Variants in SLC25A42 observed in about 807,000 individuals in gnomAD.
SLC25A42 encodes solute carrier family 25 member 42, also known as mitochondrial coenzyme A transporter SLC25A42.
In SLC25A42, 19 loss-of-function variants were observed where a neutral mutation model predicts 34.7. The ratio of observed to expected loss-of-function variants is 0.55; its 90% CI spans 0.38 to 0.80. SLC25A42 has a LOEUF of 0.80. Ranked by LOEUF, SLC25A42 falls within the 30% of genes least tolerant of loss-of-function variation. SLC25A42 has a pLI of 0.00. For missense variants in SLC25A42, 364 were observed against 441.3 expected (o/e 0.82, Z 1.57); for synonymous variants, 205 against 191.2 (o/e 1.07, Z -0.59).
At position 19,111,424 on chromosome 19, in the gene SLC25A42, C is replaced by A; in HGVS notation, c.*548C>A. On this transcript the variant is annotated 3_prime_UTR_variant, in exon 8 of 8. Coordinates refer to ENST00000318596, the MANE Select transcript of SLC25A42 (RefSeq NM_178526.5). Reference sequence around the variant, plus strand: ...CACCCCACCCTGCCGGCCCTGCCTTCTCCAGTATTTCCCACATGGCCACGA... The same window carrying A: ...CACCCCACCCTGCCGGCCCTGCCTTATCCAGTATTTCCCACATGGCCACGA... 6.1e-6 allele frequency: 1 copy of A among 163,076 alleles called. No homozygotes were observed. The highest frequency in any genetic ancestry group is 5.7e-5 in the Admixed American group (1 of 17,606). The allele number at this position is 163,076 out of a possible 1,614,324, so 10.1% of individuals were successfully genotyped here.
At chr19:19,101,928 CG>C (rs1568521862) in intron 3 of SLC25A42, 42 bp downstream of exon 3, 10 of 1,403,480 alleles carry the variant, frequency 7.1e-6, no homozygotes, top group Middle Eastern at 1.8e-4. Context: ...AGCTGCCAGG[CG>C]GTCACCTCCT....
intron 5 of SLC25A42, chr19:19,106,054 C>T (rs1238002658): frequency 1.4e-5 from 8 of 561,026 alleles, no homozygotes; most frequent in Non-Finnish European, 2.2e-5. Context: ...TTTATGCCAG[C>T]AGGGGGGAAG....
chr19:19,072,892 G>A (rs926613254), intron 1 of SLC25A42, among the ~76,000 whole-genome samples: 11 of 152,128 alleles, frequency 7.2e-5, no homozygotes, highest in African/African-American at 2.4e-4. Flanking sequence ...AGGCTGGAGT[G>A]CAGTGGTGGG....
chr19:19,075,574 C>T (rs2059651802), intron 1 of SLC25A42, among the ~76,000 whole-genome samples: 1 of 152,202 alleles, frequency 6.6e-6, no homozygotes, highest in African/African-American at 2.4e-5. Context: ...AGCCACAGGA[C>T]ACTGTCATCT....
At chr19:19,074,276 A>G (rs1410936588) in intron 1 of SLC25A42, among the ~76,000 whole-genome samples, 1 of 152,206 alleles carries the variant, frequency 6.6e-6, no homozygotes, top group Non-Finnish European at 1.5e-5. Context: ...ATGCAGCAGG[A>G]AGAAACTCCC....
intron 1 of SLC25A42, among the ~76,000 whole-genome samples, chr19:19,083,022 A>G (rs2059689060): frequency 6.6e-6 from 1 of 151,554 alleles, no homozygotes; most frequent in Non-Finnish European, 1.5e-5. Flanking sequence ...AGGTTTCACC[A>G]TGTTGGCCAG....
chr19:19,064,869 C>A (rs1473710945), intron 1 of SLC25A42, among the ~76,000 whole-genome samples: 2 of 152,134 alleles, frequency 1.3e-5, no homozygotes, highest in African/African-American at 4.8e-5. Context: ...CAAACAAAAG[C>A]TTACCCCAGT....
At position 19,107,622 on chromosome 19, in the gene SLC25A42, CTG is replaced by C. The variant is rs560894011; in HGVS notation, c.498-270_498-269del. Among the ~76,000 whole-genome samples, 25 of 152,244 alleles carry C rather than the reference CTG, an allele frequency of 1.6e-4. No individual in the cohort carries two copies. In the East Asian group the frequency reaches 3.7e-3, roughly 22 times the overall value. On this transcript the variant is annotated intron_variant, in intron 6 of 7. Coordinates refer to ENST00000318596, the MANE Select transcript of SLC25A42 (RefSeq NM_178526.5). The stretch of plus-strand genomic sequence containing the variant: ...CTCCAGCCTGGGCAACAGAGGGAGA[CTG>C]TCTCAAAACAAAAACAAAGAAACAA...
chr19:19,067,611 C>T (rs1017026868), intron 1 of SLC25A42, among the ~76,000 whole-genome samples: 1 of 152,078 alleles, frequency 6.6e-6, no homozygotes, highest in African/African-American at 2.4e-5. Context: ...TTTTGAGTTC[C>T]TGCTCTGTGA....
At chr19:19,094,552 T>G (rs1193139825) in intron 1 of SLC25A42, among the ~76,000 whole-genome samples, 1 of 152,164 alleles carries the variant, frequency 6.6e-6, no homozygotes, top group African/African-American at 2.4e-5. Context: ...GCCCCATCTT[T>G]GAAGCAGGTG....
intron 1 of SLC25A42, among the ~76,000 whole-genome samples, chr19:19,069,795 T>C (rs1470475061): frequency 2.0e-5 from 3 of 151,660 alleles, no homozygotes; most frequent in Non-Finnish European, 4.4e-5. Context: ...GCTGGGACTA[T>C]AGGCGCAGGC....
intron 1 of SLC25A42, among the ~76,000 whole-genome samples, chr19:19,089,956 G>A (rs1289502741): frequency 6.6e-6 from 1 of 152,228 alleles, no homozygotes; most frequent in East Asian, 1.9e-4. Flanking sequence ...GTTCCACTGG[G>A]GGTCCCTGGA....
In SLC25A42 at chr19:19,109,487, G is replaced by A. The variant is rs1387627849; in HGVS notation, c.650-1082G>A. ...ACTCTGCCGCCCAGGCTGGAGTGCA[G>A]TGGAACGATCTCAGCTCACTGCAAC... is the stretch of plus-strand genomic sequence containing the variant. On this transcript the variant is annotated intron_variant, in intron 7 of 7. Transcript: ENST00000318596. This position sits in a 1 kb window ranked among gnomAD's most constrained non-coding sequence, Gnocchi z 4.1. 6.6e-6 allele frequency among the ~76,000 whole-genome samples: 1 copy of A among 152,172 alleles called. No homozygotes were observed. Among genetic ancestry groups the A allele is most frequent in the Non-Finnish European group, 1.5e-5 (1 of 68,030 alleles).
At position 19,068,837 on chromosome 19, in the gene SLC25A42, CAAATAAAT is replaced by C. The variant is rs111792120; in HGVS notation, c.-35+4755_-35+4762del. Among the ~76,000 whole-genome samples, 617 of 137,552 alleles carry C rather than the reference CAAATAAAT, an allele frequency of 4.5e-3. 2 individuals carry two copies. Among genetic ancestry groups the C allele is most frequent in the Middle Eastern group, 7.1e-3 (2 of 280 alleles). The allele number at this position is 137,552 out of a possible 152,430, so 90.2% of individuals were successfully genotyped here. On this transcript the variant is annotated intron_variant, in intron 1 of 7. Transcript: ENST00000318596. ...TGGGTGACAGAGCGACACTCAGTCT[CAAATAAAT>C]AAATAAATAAATAAATAAATAAATA... is the stretch of plus-strand genomic sequence containing the variant.
intron 1 of SLC25A42, among the ~76,000 whole-genome samples, chr19:19,079,603 T>C (rs2059671320): frequency 6.6e-6 from 1 of 152,234 alleles, no homozygotes; most frequent in African/African-American, 2.4e-5. Context: ...TCATTCCTTT[T>C]CATGGCTGAG....
chr19:19,111,575 C>T lies in SLC25A42; in HGVS notation c.*699C>T, dbSNP rs957431513. The T allele has an allele frequency of 2.0e-5, 3 of 153,190 alleles. No homozygotes were observed. The highest frequency in any genetic ancestry group is 2.9e-5 in the Non-Finnish European group (2 of 68,806). The allele number at this position is 153,190 out of a possible 1,614,324, so 9.5% of individuals were successfully genotyped here. A position where few individuals can be genotyped will look rare whatever the true frequency, so the allele number is the denominator to read the frequency against. On this transcript the variant is annotated 3_prime_UTR_variant, in exon 8 of 8. Transcript: ENST00000318596. ...CCCTAGAGTTGCCTGCCCATGCCCA[C>T]CTGCTTTGTAACCTTCCCAGGAGAT... is the stretch of plus-strand genomic sequence containing the variant.
rs771749461 is a variant in SLC25A42 at position 19,101,781 on chromosome 19, C to T, written c.82C>T (p.Arg28Cys). Reference protein sequence around the residue: ...AVLSSSVSSKRDHRQVLSSLL... With the variant: ...AVLSSSVSSKCDHRQVLSSLL... Reference sequence around the variant, plus strand: ...CCTCTGATCACATGTTCTGTTGCAGCGTGACCACAGGCAAGTGCTCAGCTC... The same window carrying T: ...CCTCTGATCACATGTTCTGTTGCAGTGTGACCACAGGCAAGTGCTCAGCTC... Residue 28 changes from arginine (R) to cysteine (C), a missense_variant and splice_region_variant, in exon 3 of 8, where the codon CGT becomes TGT. Transcript: ENST00000318596. 5.6e-6 allele frequency: 9 copies of T among 1,610,334 alleles called. No individual in the cohort carries two copies. Among genetic ancestry groups the T allele is most frequent in the Admixed American group, 3.4e-5 (2 of 59,210 alleles).
At chr19:19,105,025 A>C in intron 4 of SLC25A42, 87 bp downstream of exon 4, 1 of 1,497,112 alleles carries the variant, frequency 6.7e-7, no homozygotes, top group Non-Finnish European at 9.3e-7. Context: ...GTCTGAGGAG[A>C]GTCTCAGGGG....
intron 1 of SLC25A42, among the ~76,000 whole-genome samples, chr19:19,071,722 C>A (rs1478965898): frequency 6.6e-6 from 1 of 151,962 alleles, no homozygotes; most frequent in East Asian, 1.9e-4. Flanking sequence ...AAAAATTAGC[C>A]AGCCATGGTG....
Sources: gnomAD v4.1 joint callset for allele counts (sites outside exome capture counted in the v4.1 genomes callset) on GRCh38, gnomAD v4.1.1 for gene constraint, Gnocchi (gnomAD v3.1) non-coding constraint, MANE v1.5 for transcripts, NCBI Gene and HGNC (gene_info 2026-07-23, HGNC 2026-07-21) for gene names.